The following FSHR variants were observed in gnomAD, a reference collection of about 807,000 sequenced individuals.
FSHR encodes the protein follicle stimulating hormone receptor, also known as follicle-stimulating hormone receptor.
FSHR carries 46 observed loss-of-function variants against 52.1 expected under a neutral mutation model. The observed-to-expected ratio is 0.88, with a 90% CI of 0.70 to 1.13. The LOEUF is 1.13. Ranked by LOEUF, FSHR falls within the 50% of genes most tolerant of loss-of-function variation. FSHR has a pLI of 0.00. For synonymous variants in FSHR, 399 were observed against 309.6 expected (o/e 1.29, Z -3.03); for missense variants, 964 against 834.6 (o/e 1.16, Z -1.91).
intron 1 of FSHR, among the ~76,000 whole-genome samples, chr2:49,142,318 C>T (rs1395472984): frequency 1.3e-5 from 2 of 151,978 alleles, no homozygotes; most frequent in Non-Finnish European, 2.9e-5. Flanking sequence ...TGGGTAGAGA[C>T]TGAAAAGATG....
intron 2 of FSHR, among the ~76,000 whole-genome samples, chr2:49,021,413 C>T (rs189413030): frequency 2.6e-5 from 4 of 152,242 alleles, no homozygotes; most frequent in Admixed American, 6.5e-5. Context: ...AGTTTTAATG[C>T]GGCAGCTGAG....
chr2:49,128,456 A>G (rs1672144628), intron 1 of FSHR, among the ~76,000 whole-genome samples: 1 of 151,972 alleles, frequency 6.6e-6, no homozygotes, highest in African/African-American at 2.4e-5. Context: ...ACAAAAGAGT[A>G]ACAGGAACCT....
intron 2 of FSHR, among the ~76,000 whole-genome samples, chr2:49,057,824 G>A (rs1272487668): frequency 6.6e-6 from 1 of 152,062 alleles, no homozygotes. Flanking sequence ...TAATATATGA[G>A]AATTAAGTGG....
intron 4 of FSHR, among the ~76,000 whole-genome samples, chr2:49,015,886 C>G (rs1667472451): frequency 6.6e-6 from 1 of 152,186 alleles, no homozygotes; most frequent in African/African-American, 2.4e-5. Flanking sequence ...TGCGGGGGCC[C>G]TCCTGAGCAC....
At chr2:49,128,309 A>G (rs879784029) in intron 1 of FSHR, among the ~76,000 whole-genome samples, 4 of 152,172 alleles carry the variant, frequency 2.6e-5, no homozygotes, top group Non-Finnish European at 5.9e-5. Context: ...TCTTAAACTA[A>G]TAAAGTAAAA....
chr2:48,989,238 A>C (rs919255447), intron 5 of FSHR, among the ~76,000 whole-genome samples, 184 bp from the exon 6 acceptor site: 1 of 143,202 alleles, frequency 7.0e-6, no homozygotes, highest in Non-Finnish European at 1.5e-5. Flanking sequence ...TATCTTTAGT[A>C]TGTTCTTACA....
At position 49,031,252 on chromosome 2, in the gene FSHR, C is replaced by A. The variant is rs186649018; in HGVS notation, c.225-11092G>T. Among the ~76,000 whole-genome samples the A allele has an allele frequency of 9.2e-5, 14 of 152,270 alleles. No homozygotes were observed. In the East Asian group the frequency reaches 2.7e-3, roughly 29 times the overall value. ...TCATGTTAGCAGCTTCTGAAGGGGTCCTCTGTACCCCTATTGATGTGTATA... is the reference window on the plus strand; with the variant it reads ...TCATGTTAGCAGCTTCTGAAGGGGTACTCTGTACCCCTATTGATGTGTATA... On this transcript the variant is annotated intron_variant, in intron 2 of 9. Transcript: ENST00000406846.
intron 2 of FSHR, among the ~76,000 whole-genome samples, chr2:49,021,655 C>A (rs1175416112): frequency 6.6e-6 from 1 of 151,710 alleles, no homozygotes; most frequent in Admixed American, 6.6e-5. Flanking sequence ...CTGGTGACAT[C>A]TGTGGCTTGT....
At chr2:48,992,094 C>T (rs1675808910) in intron 4 of FSHR, among the ~76,000 whole-genome samples, 1 of 151,976 alleles carries the variant, frequency 6.6e-6, no homozygotes. Flanking sequence ...CTTTTAATTA[C>T]TTCAACAGCC....
chr2:49,063,945 T>C (rs188352797), intron 2 of FSHR, among the ~76,000 whole-genome samples: 24 of 152,250 alleles, frequency 1.6e-4, no homozygotes, highest in South Asian at 8.3e-4. Context: ...TCAATTATTT[T>C]ACAGTTATTA....
intron 9 of FSHR, among the ~76,000 whole-genome samples, chr2:48,966,486 G>A (rs1002768459): frequency 2.6e-5 from 4 of 152,156 alleles, no homozygotes; most frequent in African/African-American, 9.7e-5. Context: ...CGAACTTTTG[G>A]GAAGAGCCCA....
chr2:49,047,328 T>C (rs940490792), intron 2 of FSHR, among the ~76,000 whole-genome samples: 2 of 152,176 alleles, frequency 1.3e-5, no homozygotes, highest in Non-Finnish European at 2.9e-5. Context: ...TAAACAAATA[T>C]GTGATGACTG....
At chr2:48,981,794 A>C (rs1243190659) in intron 8 of FSHR, among the ~76,000 whole-genome samples, 2 of 152,202 alleles carry the variant, frequency 1.3e-5, no homozygotes, top group Non-Finnish European at 2.9e-5. Context: ...GTGTAGACAA[A>C]AGTGATGCAG....
intron 1 of FSHR, among the ~76,000 whole-genome samples, chr2:49,075,250 G>C (rs1299901920): frequency 1.3e-5 from 2 of 152,092 alleles, no homozygotes; most frequent in African/African-American, 2.4e-5. Flanking sequence ...ACTCTGTTCT[G>C]ATCACTCTGT....
intron 2 of FSHR, among the ~76,000 whole-genome samples, chr2:49,026,229 C>T (rs188195007): frequency 5.9e-4 from 90 of 152,342 alleles, no homozygotes; most frequent in African/African-American, 2.1e-3. Context: ...ACATCAACAA[C>T]AAACGATTGT....
chr2:49,099,037 A>G (rs1670930111), intron 1 of FSHR, among the ~76,000 whole-genome samples: 1 of 151,742 alleles, frequency 6.6e-6, no homozygotes, highest in Non-Finnish European at 1.5e-5. Flanking sequence ...GAAGAATCAC[A>G]CATCTCCAGT....
At chr2:49,055,389 A>C (rs1669018197) in intron 2 of FSHR, among the ~76,000 whole-genome samples, 1 of 151,630 alleles carries the variant, frequency 6.6e-6, no homozygotes, top group Non-Finnish European at 1.5e-5. Context: ...TATGAGGCAT[A>C]GTTAACCAAA....
chr2:49,131,548 T>A (rs536166032), intron 1 of FSHR, among the ~76,000 whole-genome samples: 5 of 152,318 alleles, frequency 3.3e-5, no homozygotes, highest in African/African-American at 1.2e-4. Flanking sequence ...TTTACGTCAC[T>A]AAGTTTCTCT....
intron 1 of FSHR, among the ~76,000 whole-genome samples, chr2:49,082,417 G>C (rs552839428): frequency 4.7e-4 from 72 of 152,212 alleles, no homozygotes; most frequent in African/African-American, 1.6e-3. Flanking sequence ...AGAAAAACTG[G>C]AAACTCTAAA....
Sources: gnomAD v4.1 joint callset for allele counts (sites outside exome capture counted in the v4.1 genomes callset) on GRCh38, gnomAD v4.1.1 for gene constraint, MANE v1.5 for transcripts, NCBI Gene and HGNC (gene_info 2026-07-23, HGNC 2026-07-21) for gene names.